NOX5: variants seen among roughly 807,000 people sequenced by gnomAD.
NOX5 encodes NADPH oxidase, EF-hand calcium binding domain 5.
Under a neutral mutation model 85.7 loss-of-function variants are expected in NOX5, and 76 were observed. The ratio of observed to expected loss-of-function variants is 0.89; its 90% CI spans 0.74 to 1.07. The LOEUF (loss-of-function observed/expected upper bound fraction) is 1.07. NOX5 is among the 50% of genes least tolerant of loss of function. The pLI, the probability that NOX5 is intolerant of heterozygous loss-of-function variation, is 0.00. For missense variants in NOX5, 973 were observed against 999.5 expected (o/e 0.97, Z 0.36); for synonymous variants, 405 against 401.4 (o/e 1.01, Z -0.11).
chr15:69,041,077 G>T (rs924270017), intron 9 of NOX5, among the ~76,000 whole-genome samples: 6 of 152,176 alleles, frequency 3.9e-5, no homozygotes, highest in Admixed American at 3.3e-4. Context: ...AGCTGAGAGG[G>T]TTCATGTGGG....
intron 10 of NOX5, among the ~76,000 whole-genome samples, chr15:69,044,433 CAA>C: frequency 6.6e-6 from 1 of 152,180 alleles, no homozygotes; most frequent in South Asian, 2.1e-4. Context: ...AAGTCAGTGT[CAA>C]GAGGTAGGGA....
chr15:69,023,678 T>G (rs567511977), intron 1 of NOX5: 1 of 177,528 alleles, frequency 5.6e-6, no homozygotes, highest in East Asian at 1.8e-4. Flanking sequence ...TTTACCTCTA[T>G]AATAATACGT....
At position 69,059,218 on chromosome 15, in the gene NOX5, G is replaced by A. The variant is rs2050848545; in HGVS notation, c.*2522G>A. On this transcript the variant is annotated 3_prime_UTR_variant, in exon 16 of 16. Coordinates refer to ENST00000388866, the MANE Select transcript of NOX5 (RefSeq NM_024505.4). ...ACATGTGTGACGACCATATGCCCGTGTCCTGAGGTTTTCTCTCCAGACAGA... is the reference window on the plus strand; with the variant it reads ...ACATGTGTGACGACCATATGCCCGTATCCTGAGGTTTTCTCTCCAGACAGA... 1 of 152,208 alleles carries A rather than the reference G, an allele frequency of 6.6e-6. No homozygotes were observed. Among genetic ancestry groups the A allele is most frequent in the African/African-American group, 2.4e-5 (1 of 41,432 alleles). 9.4% of individuals were successfully genotyped at this position (152,208 alleles called of 1,614,324 possible). A position where few individuals can be genotyped will look rare whatever the true frequency, so the allele number is the denominator to read the frequency against.
In NOX5 at chr15:69,028,423, AC is replaced by A. The variant is rs2140253911; in HGVS notation, c.325+59del. 6 of 1,484,366 alleles carry A rather than the reference AC, an allele frequency of 4.0e-6. No homozygotes were observed. The South Asian group carries it at 8.3e-5, about 20-fold the overall frequency. The allele number at this position is 1,484,366 out of a possible 1,614,324, so 91.9% of individuals were successfully genotyped here. A position where few individuals can be genotyped will look rare whatever the true frequency, so the allele number is the denominator to read the frequency against. ...GGGAGATCAGTGGGCCTCAGTGAGAACTGGCCATTTCACCTTGGCAGGCCTG... is the reference window on the plus strand; with the variant it reads ...GGGAGATCAGTGGGCCTCAGTGAGAATGGCCATTTCACCTTGGCAGGCCTG... On this transcript the variant is annotated intron_variant, in intron 3 of 15. Transcript: ENST00000388866.
intron 2 of NOX5, among the ~76,000 whole-genome samples, chr15:69,027,694 C>G (rs1040443258): frequency 5.9e-5 from 9 of 152,114 alleles, no homozygotes; most frequent in African/African-American, 2.2e-4. Flanking sequence ...AATGAGTGAA[C>G]TGGTGATTAA....
At position 69,046,817 on chromosome 15, in the gene NOX5, T is replaced by G; in HGVS notation, c.1648-5T>G. 1 of 1,613,728 alleles carries G rather than the reference T, an allele frequency of 6.2e-7. No individual in the cohort carries two copies. The highest frequency in any genetic ancestry group is 8.5e-7 in the Non-Finnish European group (1 of 1,179,680). Reference sequence around the variant, plus strand: ...ACCCATAACTCTCTGCTCTACTCCCTGCAGGGCTCTGAGATACTTTTGGAG... The same window carrying G: ...ACCCATAACTCTCTGCTCTACTCCCGGCAGGGCTCTGAGATACTTTTGGAG... On this transcript the variant is annotated splice_region_variant and splice_polypyrimidine_tract_variant and intron_variant, in intron 10 of 15. Transcript: ENST00000388866.
At chr15:69,048,344 G>A (rs2050702444) in intron 13 of NOX5, among the ~76,000 whole-genome samples, 1 of 152,090 alleles carries the variant, frequency 6.6e-6, no homozygotes, top group African/African-American at 2.4e-5. Context: ...ACCAGCCTGG[G>A]CAACATGGCG....
chr15:69,028,980 G>A (rs1398041032), intron 3 of NOX5: 1 of 151,970 alleles, frequency 6.6e-6, no homozygotes, highest in Non-Finnish European at 1.5e-5. Flanking sequence ...TTTTATTGTG[G>A]TAAAATATAC....
At chr15:69,016,766 C>T (rs961366369) in intron 1 of NOX5, among the ~76,000 whole-genome samples, 2 of 151,994 alleles carry the variant, frequency 1.3e-5, no homozygotes, top group Non-Finnish European at 2.9e-5. Flanking sequence ...CACACACATA[C>T]ACACACACAC....
intron 1 of NOX5, chr15:69,022,475 A>G: frequency 5.7e-6 from 1 of 176,614 alleles, no homozygotes; most frequent in African/African-American, 2.4e-5. Context: ...CCGCAAGTGG[A>G]GGCATTATTA....
rs773383624 is a variant in NOX5, at chr15:69,031,768, C to G, written c.576C>G (p.Asp192Glu). ...CCATCACCTTCGAGGAGCTCCGGGA[C>G]GAGCTGCAGCGCTTCCCCGGAGTCA... Reference protein sequence around the residue: ...NGAITFEELRDELQRFPGVME... With the variant: ...NGAITFEELREELQRFPGVME... Residue 192 changes from aspartate to glutamate, a missense_variant, in exon 4 of 16, where the codon GAC (aspartate) becomes GAG (glutamate). Physicochemically the swap from Asp to Glu is conservative, Grantham distance 45. Coordinates refer to ENST00000388866, the MANE Select transcript of NOX5 (RefSeq NM_024505.4). 6.2e-7 allele frequency: 1 copy of G among 1,606,962 alleles called. No homozygotes were observed. Among genetic ancestry groups the G allele is most frequent in the Non-Finnish European group, 8.5e-7 (1 of 1,174,850 alleles).
At chr15:69,040,831 C>T (rs2050584817) in intron 9 of NOX5, among the ~76,000 whole-genome samples, 1 of 152,022 alleles carries the variant, frequency 6.6e-6, no homozygotes, top group South Asian at 2.1e-4. Context: ...GCACGTGCCA[C>T]CATGCATGGC....
chr15:69,017,221 G>C (rs1016086926), intron 1 of NOX5, among the ~76,000 whole-genome samples: 8 of 151,924 alleles, frequency 5.3e-5, no homozygotes, highest in African/African-American at 1.7e-4. Flanking sequence ...GCGTGATCTT[G>C]GCTCACTACA....
intron 1 of NOX5, chr15:69,023,344 A>G (rs959490256): frequency 7.4e-6 from 2 of 270,730 alleles, no homozygotes; most frequent in African/African-American, 4.6e-5. Flanking sequence ...ATTCTCTCAG[A>G]TGGGTTTCCA....
At position 69,016,672 on chromosome 15, in the gene NOX5, A is replaced by G. The variant is rs113674847; in HGVS notation, c.50+1887A>G. ...TACCTAATCATCATGTGCTAGACAG[A>G]CATCCTATGCCCTGTCACAACTCTG... On this transcript the variant is annotated intron_variant, in intron 1 of 15. Coordinates refer to ENST00000388866, the MANE Select transcript of NOX5 (RefSeq NM_024505.4). Among the ~76,000 whole-genome samples, 48 of 152,312 alleles carry G rather than the reference A, an allele frequency of 3.2e-4. 2 individuals are homozygous for G. The highest frequency in any genetic ancestry group is 1.1e-3 in the African/African-American group (47 of 41,560).
intron 4 of NOX5, 37 bp downstream of exon 4, chr15:69,031,849 C>T: frequency 6.4e-7 from 1 of 1,557,722 alleles, no homozygotes; most frequent in South Asian, 1.2e-5. Flanking sequence ...CTGTCCACGG[C>T]GGCGTTAGAC....
At position 69,047,464 on chromosome 15, in the gene NOX5, G is replaced by C. The variant is rs565188759; in HGVS notation, c.1744G>C (p.Glu582Gln). The C allele has an allele frequency of 6.2e-7, 1 of 1,613,852 alleles. No individual in the cohort carries two copies. The highest frequency in any genetic ancestry group is 8.5e-7 in the Non-Finnish European group (1 of 1,179,982). Residue 582 changes from glutamate (E) to glutamine (Q), a missense_variant, in exon 12 of 16, where the codon GAG (glutamate) becomes CAG (glutamine). By Grantham distance (29) the Glu-to-Gln change is conservative (BLOSUM62 2). Transcript: ENST00000388866. ...CCCCACCCGCAGGATCTTTGCCTCT[G>C]AGCATGCCGTGCTCATCGGGGCAGG... ...GTPTRRIFAS[E>Q]HAVLIGAGIG... is the part of the protein sequence containing the mutation.
At chr15:69,026,688 C>A in intron 2 of NOX5, 37 bp downstream of exon 2, 1 of 1,612,920 alleles carries the variant, frequency 6.2e-7, no homozygotes, top group South Asian at 1.1e-5. Flanking sequence ...CTGCATTTAT[C>A]GTTATGTGGC....
chr15:69,029,038 T>C (rs1367414499), intron 3 of NOX5: 2 of 152,228 alleles, frequency 1.3e-5, no homozygotes, highest in Admixed American at 6.5e-5. Flanking sequence ...TACAGGTCAG[T>C]GGCATTAATT....
Sources: gnomAD v4.1 joint callset for allele counts (sites outside exome capture counted in the v4.1 genomes callset) on GRCh38, gnomAD v4.1.1 for gene constraint, MANE v1.5 for transcripts, NCBI Gene and HGNC (gene_info 2026-07-23, HGNC 2026-07-21) for gene names.